SLC10A6: variants seen among roughly 807,000 people sequenced by gnomAD.
The protein encoded by SLC10A6 is sodium-dependent organic anion transporter.
SLC10A6 carries 27 observed loss-of-function variants against 30.0 expected under a neutral mutation model. The observed-to-expected ratio is 0.90, with a 90% confidence interval of 0.66 to 1.24. The LOEUF (loss-of-function observed/expected upper bound fraction) is 1.24. Ranked by LOEUF, SLC10A6 falls within the 50% of genes most tolerant of loss-of-function variation. SLC10A6 has a pLI of 0.00. For synonymous variants in SLC10A6, 166 were observed against 173.8 expected, an observed-to-expected ratio of 0.95 and a Z score of 0.36; for missense variants, 439 against 457.0, an observed-to-expected ratio of 0.96 and a Z score of 0.36.
rs1048227743 is a variant in SLC10A6, at chr4:86,839,882, T to C, written c.378-6458A>G. On this transcript the variant is annotated intron_variant, in intron 1 of 5. Transcript: ENST00000273905. ...TGTCATGCCAGCATTGAAAAATTGA[T>C]CTCACTCTTGTTACACTCTTATTTT... Among the ~76,000 whole-genome samples, 3 of 151,692 alleles carry C rather than the reference T, an allele frequency of 2.0e-5. No individual in the cohort carries two copies. The East Asian group carries it at 5.8e-4, about 29-fold the overall frequency.
At chr4:86,845,261 G>T (rs1746374338) in intron 1 of SLC10A6, among the ~76,000 whole-genome samples, 1 of 152,186 alleles carries the variant, frequency 6.6e-6, no homozygotes, top group Admixed American at 6.5e-5. Context: ...AAGGTCAGTT[G>T]GCACTGCAGA....
rs1745964116 is a variant in SLC10A6 at position 86,825,465 on chromosome 4, C to G, written c.874G>C (p.Ala292Pro). The change falls in exon 5 of 6, where the codon GCC becomes CCC. Residue 292 changes from alanine to proline, a missense_variant. Ala to Pro is a conservative substitution (Grantham distance 27). Transcript: ENST00000273905. The stretch of plus-strand genomic sequence containing the variant: ...TCTATCAGCTGGAAGAGTCCATAGG[C>G]CAGTGGGAAACTCAACATCTGGACC... ...HLVQMLSFPL[A>P]YGLFQLIDGF... 1.2e-6 allele frequency: 2 copies of G among 1,611,930 alleles called. No homozygotes were observed. The highest frequency in any genetic ancestry group is 1.7e-6 in the Non-Finnish European group (2 of 1,178,390).
chr4:86,842,784 T>C (rs1746312429), intron 1 of SLC10A6, among the ~76,000 whole-genome samples: 2 of 146,648 alleles, frequency 1.4e-5, no homozygotes, highest in Admixed American at 1.3e-4. Context: ...AATGGACACC[T>C]CTTTTCTTTC....
intron 1 of SLC10A6, among the ~76,000 whole-genome samples, chr4:86,845,019 C>T (rs764069349): frequency 3.3e-5 from 5 of 152,126 alleles, no homozygotes; most frequent in Non-Finnish European, 5.9e-5. Flanking sequence ...CCTAGACACA[C>T]GGGAATTACA....
chr4:86,840,590 C>G (rs1235698032), intron 1 of SLC10A6, among the ~76,000 whole-genome samples: 1 of 152,074 alleles, frequency 6.6e-6, no homozygotes, highest in Non-Finnish European at 1.5e-5. Context: ...AGGTATGAGA[C>G]TAATCCATTT....
chr4:86,837,259 GAAAGAAAGAAAGAAAGAAAGAA>G (rs1746205659), intron 1 of SLC10A6, among the ~76,000 whole-genome samples: 2 of 119,502 alleles, frequency 1.7e-5, no homozygotes, highest in African/African-American at 7.2e-5. Context: ...AAGAAAGAAA[GAAAGAAAGAAAGAAAGAAAGAA>G]AGAAAAAGAA....
Position 86,828,080 on chromosome 4 carries a change from G to T in SLC10A6, c.674C>A (p.Thr225Asn), listed in dbSNP as rs1398150076. Reference protein sequence around the residue: ...LAKGSWNSDITLLTISFIFPL... With the variant: ...LAKGSWNSDINLLTISFIFPL... Reference sequence around the variant, plus strand: ...AAAGATGAAACTGATGGTCAGAAGGGTGATGTCTGAATTCCAAGATCCTTT... The same window carrying T: ...AAAGATGAAACTGATGGTCAGAAGGTTGATGTCTGAATTCCAAGATCCTTT... Residue 225 changes from threonine to asparagine, a missense_variant, in exon 4 of 6, where the codon ACC becomes AAC. Transcript: ENST00000273905. 12 of 1,613,858 alleles carry T rather than the reference G, an allele frequency of 7.4e-6. No homozygotes were observed. The highest frequency in any genetic ancestry group is 2.7e-5 in the African/African-American group (2 of 74,902).
intron 3 of SLC10A6, among the ~76,000 whole-genome samples, chr4:86,829,089 C>G (rs1427665534): frequency 6.6e-6 from 1 of 151,946 alleles, no homozygotes; most frequent in African/African-American, 2.4e-5. Context: ...CAGACTAGAC[C>G]CCTGCCTAAG....
chr4:86,826,910 G>A (rs183634503), intron 4 of SLC10A6, among the ~76,000 whole-genome samples: 19 of 152,310 alleles, frequency 1.2e-4, no homozygotes, highest in Non-Finnish European at 1.9e-4. Flanking sequence ...GAATGGGGAA[G>A]TAACAAGGGT....
intron 1 of SLC10A6, among the ~76,000 whole-genome samples, chr4:86,836,116 G>A (rs1746180659): frequency 6.6e-6 from 1 of 152,212 alleles, no homozygotes. Flanking sequence ...GAGACCATCA[G>A]AAGGAAGTTG....
At chr4:86,840,520 A>G (rs1162603843) in intron 1 of SLC10A6, among the ~76,000 whole-genome samples, 3 of 152,112 alleles carry the variant, frequency 2.0e-5, no homozygotes, top group African/African-American at 7.2e-5. Context: ...ATTGTCTTCT[A>G]CTTTTTACTT....
chr4:86,827,960 C>A, intron 4 of SLC10A6, 33 bp downstream of exon 4: 1 of 1,594,538 alleles, frequency 6.3e-7, no homozygotes, highest in South Asian at 1.1e-5. Context: ...AATTTACCTT[C>A]CTCAAAAAAG....
chr4:86,825,621 G>C, intron 4 of SLC10A6, 44 bp from the exon 5 acceptor site: 1 of 1,533,668 alleles, frequency 6.5e-7, no homozygotes, highest in Non-Finnish European at 8.9e-7. Flanking sequence ...CTAGCAATAA[G>C]AACTATTCTA....
At chr4:86,828,595 C>T (rs1288079800) in intron 3 of SLC10A6, among the ~76,000 whole-genome samples, 1 of 151,850 alleles carries the variant, frequency 6.6e-6, no homozygotes, top group East Asian at 1.9e-4. Context: ...CATCTGCCTC[C>T]CCTCCCACCG....
chr4:86,837,263 G>A (rs1746205832), intron 1 of SLC10A6, among the ~76,000 whole-genome samples: 1 of 120,526 alleles, frequency 8.3e-6, no homozygotes, highest in Non-Finnish European at 1.7e-5. Flanking sequence ...AAGAAAGAAA[G>A]AAAGAAAGAA....
Position 86,838,269 on chromosome 4 carries a change from G to T in SLC10A6, c.378-4845C>A, listed in dbSNP as rs776638563. 3.3e-5 allele frequency among the ~76,000 whole-genome samples: 5 copies of T among 152,216 alleles called. No homozygotes were observed. The East Asian group carries it at 9.7e-4, about 29-fold the overall frequency. On this transcript the variant is annotated intron_variant, in intron 1 of 5. Coordinates refer to ENST00000273905, the MANE Select transcript of SLC10A6 (RefSeq NM_197965.3). ...TCTGGACATGGTTTTATTGACATTG[G>T]CTCATGAATTATACACATGCTGTAC...
chr4:86,841,725 A>T (rs1746293427), intron 1 of SLC10A6, among the ~76,000 whole-genome samples: 1 of 152,234 alleles, frequency 6.6e-6, no homozygotes, highest in South Asian at 2.1e-4. Context: ...GTTATTATAA[A>T]TTGTTTTAAT....
intron 2 of SLC10A6, among the ~76,000 whole-genome samples, chr4:86,833,082 C>T (rs974881549): frequency 2.6e-5 from 4 of 151,970 alleles, no homozygotes; most frequent in Non-Finnish European, 4.4e-5. Flanking sequence ...ACTCCAGTTC[C>T]GTACTTACCA....
chr4:86,840,488 C>A (rs184316265), intron 1 of SLC10A6, among the ~76,000 whole-genome samples: 2 of 151,972 alleles, frequency 1.3e-5, no homozygotes, highest in East Asian at 3.9e-4. Flanking sequence ...AAAGACCTAC[C>A]CTGATCCGAG....
Sources: gnomAD v4.1 joint callset for allele counts (sites outside exome capture counted in the v4.1 genomes callset) on GRCh38, gnomAD v4.1.1 for gene constraint, MANE v1.5 for transcripts, NCBI Gene and HGNC (gene_info 2026-07-23, HGNC 2026-07-21) for gene names.